Variants in PPP2R2C observed in about 807,000 individuals in gnomAD.
The protein encoded by PPP2R2C is protein phosphatase 2 regulatory subunit Bgamma.
In PPP2R2C, 10 loss-of-function variants were observed where a neutral mutation model predicts 45.3. The ratio of observed to expected loss-of-function variants is 0.22; its 90% CI spans 0.14 to 0.37. The LOEUF is 0.37. PPP2R2C is among the 10% of genes least tolerant of loss of function. The probability of loss-of-function intolerance (pLI) is 1.00; values close to 1 mark genes in which losing one functional copy is unlikely to be tolerated. For missense variants in PPP2R2C, 308 were observed against 619.7 expected (o/e 0.50, Z 5.34); for synonymous variants, 257 against 245.4 (o/e 1.05, Z -0.44).
intron 6 of PPP2R2C, among the ~76,000 whole-genome samples, chr4:6,335,638 C>T (rs977322660): frequency 3.3e-5 from 5 of 151,982 alleles, no homozygotes; most frequent in African/African-American, 1.2e-4. Flanking sequence ...GCTGGAGTCC[C>T]CTCCCGACGG....
intron 2 of PPP2R2C, among the ~76,000 whole-genome samples, chr4:6,513,882 C>A (rs1383541150): frequency 6.6e-6 from 1 of 152,220 alleles, no homozygotes; most frequent in Admixed American, 6.5e-5. Context: ...CCCACTCTCT[C>A]CTTGAATGAA....
chr4:6,463,132 A>T (rs1721415898), intron 1 of PPP2R2C, among the ~76,000 whole-genome samples: 1 of 152,218 alleles, frequency 6.6e-6, no homozygotes, highest in African/African-American at 2.4e-5. Context: ...ATCATGAAAG[A>T]GCTCCCTTTT....
intron 1 of PPP2R2C, among the ~76,000 whole-genome samples, chr4:6,422,754 C>T (rs1719060491): frequency 6.6e-6 from 1 of 152,198 alleles, no homozygotes; most frequent in Non-Finnish European, 1.5e-5. Context: ...TTAGGTACCT[C>T]TGTGAAAACC....
chr4:6,556,672 A>G (rs529277330), intron 1 of PPP2R2C, among the ~76,000 whole-genome samples: 2 of 152,140 alleles, frequency 1.3e-5, no homozygotes, highest in South Asian at 2.1e-4. Flanking sequence ...TGTTCTTTCC[A>G]GAGCCCTGCC....
chr4:6,549,968 C>T (rs891680826), intron 1 of PPP2R2C, among the ~76,000 whole-genome samples: 3 of 152,194 alleles, frequency 2.0e-5, no homozygotes, highest in Non-Finnish European at 1.5e-5. Flanking sequence ...CAGCCCTCAC[C>T]CTGTGCCAAT....
At chr4:6,474,209 A>T (rs1174237038), upstream of PPP2R2C, among the ~76,000 whole-genome samples, 1 of 107,776 alleles carries the variant, frequency 9.3e-6, no homozygotes, top group Non-Finnish European at 1.9e-5. Context: ...CCCACCTCAC[A>T]TCCTAAGGCC....
chr4:6,546,191 A>G (rs1329526418), intron 1 of PPP2R2C, among the ~76,000 whole-genome samples: 3 of 152,226 alleles, frequency 2.0e-5, no homozygotes, highest in Non-Finnish European at 2.9e-5. Context: ...AGGATCTTCC[A>G]TAAGAGGAAG....
At position 6,358,645 on chromosome 4, in the gene PPP2R2C, C is replaced by CA. The variant is rs34448087; in HGVS notation, c.626-10636dup. ...TCTACAAAGAACTTAAACAAATTTACAAAAAAAAAATCAAACAACACCATC... is the reference window on the plus strand; with the variant it reads ...TCTACAAAGAACTTAAACAAATTTACAAAAAAAAAAATCAAACAACACCATC... On this transcript the variant is annotated intron_variant, in intron 5 of 8. Coordinates refer to ENST00000382599, the MANE Select transcript of PPP2R2C (RefSeq NM_020416.4). 1.8e-3 allele frequency among the ~76,000 whole-genome samples: 268 copies of CA among 151,414 alleles called. 3 individuals carry two copies. The highest frequency in any genetic ancestry group is 6.3e-3 in the African/African-American group (258 of 41,066).
intron 1 of PPP2R2C, among the ~76,000 whole-genome samples, chr4:6,547,440 T>G (rs1159023649): frequency 1.3e-5 from 2 of 150,704 alleles, no homozygotes; most frequent in African/African-American, 4.8e-5. Context: ...CTGGTCACCC[T>G]GTGCTCCAGT....
intron 6 of PPP2R2C, among the ~76,000 whole-genome samples, chr4:6,341,040 C>G (rs1577082223): frequency 1.3e-5 from 2 of 152,206 alleles, no homozygotes; most frequent in Admixed American, 1.3e-4. Flanking sequence ...CCACACAGCC[C>G]TTTTAAATGA....
chr4:6,351,598 T>C (rs1712563881), intron 5 of PPP2R2C, among the ~76,000 whole-genome samples: 2 of 152,160 alleles, frequency 1.3e-5, no homozygotes, highest in African/African-American at 4.8e-5. Context: ...TGTCTTCGGA[T>C]ACGGTGGCTG....
rs547816692 is a variant in PPP2R2C, at chr4:6,453,431, G to A, written c.70+18729C>T. On this transcript the variant is annotated intron_variant, in intron 1 of 8. Coordinates refer to ENST00000382599, the MANE Select transcript of PPP2R2C (RefSeq NM_020416.4). Reference sequence around the variant, plus strand: ...CACCCCAGCTCTGCCTCCTCAGCTCGGGGAGACTTCCAGCAGCTCTATCCC... The same window carrying A: ...CACCCCAGCTCTGCCTCCTCAGCTCAGGGAGACTTCCAGCAGCTCTATCCC... Among the ~76,000 whole-genome samples the A allele has an allele frequency of 2.0e-5, 3 of 152,126 alleles. No individual in the cohort carries two copies. The South Asian group carries it at 6.2e-4, about 32-fold the overall frequency.
At chr4:6,383,063 C>T (rs1577132356) in intron 1 of PPP2R2C, 2 of 1,095,386 alleles carry the variant, frequency 1.8e-6, no homozygotes, top group South Asian at 4.8e-5. Flanking sequence ...GGGCTTGTCC[C>T]TGTGTTTTGC....
intron 1 of PPP2R2C, among the ~76,000 whole-genome samples, chr4:6,416,519 ACCTC>A (rs1264253624): frequency 6.6e-6 from 1 of 151,750 alleles, no homozygotes; most frequent in Non-Finnish European, 1.5e-5. Context: ...CCTACCCCAT[ACCTC>A]CAGTGGGAGC....
chr4:6,471,433 G>C lies in PPP2R2C; in HGVS notation c.70+727C>G, dbSNP rs529150819. The C allele has an allele frequency of 3.9e-5, 6 of 152,362 alleles. No homozygotes were observed. Among genetic ancestry groups the C allele is most frequent in the African/African-American group, 1.2e-4 (5 of 41,562 alleles). The allele number at this position is 152,362 out of a possible 1,614,324, so 9.4% of individuals were successfully genotyped here. On this transcript the variant is annotated intron_variant, in intron 1 of 8. Coordinates refer to ENST00000382599, the MANE Select transcript of PPP2R2C (RefSeq NM_020416.4). This position sits in a 1 kb window ranked among gnomAD's most constrained non-coding sequence, Gnocchi z 5.6. ...CTGACCCACCAGCCTCGGGGGTAGG[G>C]TGGGGGTGGGGGTTGGGCTTGTAGG...
chr4:6,434,556 G>A (rs977692173), intron 1 of PPP2R2C, among the ~76,000 whole-genome samples: 6 of 151,724 alleles, frequency 4.0e-5, no homozygotes, highest in South Asian at 2.1e-4. Flanking sequence ...ATGGGGTTTC[G>A]TGATGCTGGC....
intron 2 of PPP2R2C, among the ~76,000 whole-genome samples, chr4:6,526,956 G>A (rs147287933): frequency 1.6e-3 from 246 of 152,190 alleles, no homozygotes; most frequent in African/African-American, 5.7e-3. Flanking sequence ...CTCCAGCCCC[G>A]AGTTCCCCAG....
At chr4:6,388,838 CA>C (rs144411430) in intron 1 of PPP2R2C, among the ~76,000 whole-genome samples, 10,520 of 152,232 alleles carry the variant, frequency 0.069, 425 homozygotes, top group East Asian at 0.15. Flanking sequence ...TGTGAGAGAA[CA>C]AATTTCGGTT....
At chr4:6,356,270 C>A (rs540159615) in intron 5 of PPP2R2C, among the ~76,000 whole-genome samples, 1 of 152,318 alleles carries the variant, frequency 6.6e-6, no homozygotes, top group East Asian at 1.9e-4. Context: ...ACACGTGCGG[C>A]CGGCTGGCTG....
Sources: gnomAD v4.1 joint callset for allele counts (sites outside exome capture counted in the v4.1 genomes callset) on GRCh38, gnomAD v4.1.1 for gene constraint, Gnocchi (gnomAD v3.1) non-coding constraint, MANE v1.5 for transcripts, NCBI Gene and HGNC (gene_info 2026-07-23, HGNC 2026-07-21) for gene names.